The following RNF212B variants were observed in gnomAD, a reference collection of about 807,000 sequenced individuals.
RNF212B encodes the protein E3 ubiquitin-protein ligase RNF212B.
Under a neutral mutation model 55.5 loss-of-function variants are expected in RNF212B, and 52 were observed. That is an observed-to-expected ratio of 0.94 (90% CI 0.75 to 1.18). RNF212B has a LOEUF of 1.18. RNF212B is among the 50% of genes most tolerant of loss of function. The pLI is 0.00. For missense variants in RNF212B, 289 were observed against 350.4 expected (o/e 0.82, Z 1.40); for synonymous variants, 99 against 121.4 (o/e 0.82, Z 1.21).
chr14:23,240,283 G>A lies in RNF212B; in HGVS notation c.-1-62G>A. The A allele has an allele frequency of 1.2e-5, 13 of 1,128,052 alleles. No individual in the cohort carries two copies. In the South Asian group the frequency reaches 1.7e-4, roughly 14 times the overall value. The allele number at this position is 1,128,052 out of a possible 1,614,324, so 69.9% of individuals were successfully genotyped here. On this transcript the variant is annotated intron_variant, in intron 1 of 14. Coordinates refer to ENST00000430154, the MANE Select transcript of RNF212B (RefSeq NM_001282322.3). Reference sequence around the variant, plus strand: ...AAGCAAGCACGGTTACATAGATTTTGGAACAGCTATAATTATGTTATTCTC... The same window carrying A: ...AAGCAAGCACGGTTACATAGATTTTAGAACAGCTATAATTATGTTATTCTC...
At chr14:23,252,629 G>A (rs907890811) in intron 4 of RNF212B, among the ~76,000 whole-genome samples, 1 of 152,126 alleles carries the variant, frequency 6.6e-6, no homozygotes, top group Non-Finnish European at 1.5e-5. Flanking sequence ...GGGTTGGACA[G>A]GTAGTAAGCC....
chr14:23,211,053 A>G (rs1880463436), intron 2 of RNF212B, among the ~76,000 whole-genome samples: 2 of 151,958 alleles, frequency 1.3e-5, no homozygotes, highest in South Asian at 4.1e-4. Flanking sequence ...CCCCGTCTCT[A>G]CTGAAAATAA....
intron 2 of RNF212B, among the ~76,000 whole-genome samples, chr14:23,195,749 T>G (rs981969045): frequency 6.6e-6 from 1 of 152,214 alleles, no homozygotes; most frequent in African/African-American, 2.4e-5. Flanking sequence ...TAGCATGTAT[T>G]GAGCAATCAC....
intron 2 of RNF212B, among the ~76,000 whole-genome samples, chr14:23,205,669 T>C (rs1267808484): frequency 3.3e-5 from 5 of 152,236 alleles, no homozygotes; most frequent in Non-Finnish European, 2.9e-5. Context: ...ACTGAGTTTA[T>C]AGTTTAGCTT....
chr14:23,251,714 G>A (rs1384528360), intron 4 of RNF212B, among the ~76,000 whole-genome samples: 1 of 151,612 alleles, frequency 6.6e-6, no homozygotes, highest in Non-Finnish European at 1.5e-5. Flanking sequence ...TACTCTGGAG[G>A]CTGAAGCAGG....
chr14:23,209,703 T>G (rs1880285987), intron 2 of RNF212B, among the ~76,000 whole-genome samples: 1 of 152,050 alleles, frequency 6.6e-6, no homozygotes, highest in Admixed American at 6.6e-5. Context: ...AAAGAATAGA[T>G]GGAAAGGGAA....
chr14:23,192,663 T>C (rs1878227633), intron 1 of RNF212B, among the ~76,000 whole-genome samples: 1 of 152,170 alleles, frequency 6.6e-6, no homozygotes, highest in Non-Finnish European at 1.5e-5. Context: ...TGTGCACATG[T>C]ACCCTAGAAC....
upstream of RNF212B, among the ~76,000 whole-genome samples, chr14:23,233,147 C>T (rs1882838348): frequency 6.6e-6 from 1 of 152,154 alleles, no homozygotes; most frequent in African/African-American, 2.4e-5. Context: ...TGTGTCCACT[C>T]GGGGTTAAAT....
chr14:23,248,433 C>T (rs1424707347), intron 4 of RNF212B, among the ~76,000 whole-genome samples: 1 of 146,432 alleles, frequency 6.8e-6, no homozygotes, highest in Admixed American at 6.9e-5. Flanking sequence ...CGCCCAACCC[C>T]AAGCCTCTTT....
intron 2 of RNF212B, among the ~76,000 whole-genome samples, chr14:23,202,250 T>TAAA (rs57327070): frequency 7.5e-6 from 1 of 134,060 alleles, no homozygotes; most frequent in African/African-American, 2.8e-5. Flanking sequence ...GACCCTGTCT[T>TAAA]AAAAAAAAAA....
intron 4 of RNF212B, among the ~76,000 whole-genome samples, chr14:23,253,116 G>A (rs377199145): frequency 5.3e-5 from 8 of 151,856 alleles, no homozygotes; most frequent in Non-Finnish European, 8.8e-5. Context: ...CAAATATTAC[G>A]TCATTTCTAT....
At chr14:23,264,978 C>A (rs975101275) in intron 11 of RNF212B, among the ~76,000 whole-genome samples, 1 of 152,030 alleles carries the variant, frequency 6.6e-6, no homozygotes, top group African/African-American at 2.4e-5. Context: ...TGTGCCACCA[C>A]GCCTGGCTAA....
At chr14:23,196,183 T>C (rs1004199682) in intron 2 of RNF212B, among the ~76,000 whole-genome samples, 9 of 152,206 alleles carry the variant, frequency 5.9e-5, no homozygotes, top group South Asian at 2.1e-4. Context: ...TTAGCCACCA[T>C]GGAAAAGTGC....
Position 23,243,289 on chromosome 14 carries a change from A to C in RNF212B, c.134A>C (p.His45Pro), listed in dbSNP as rs1231111697. The C allele has an allele frequency of 6.5e-7, 1 of 1,550,294 alleles. No individual in the cohort carries two copies. The highest frequency in any genetic ancestry group is 8.7e-7 in the Non-Finnish European group (1 of 1,147,020). The part of the protein sequence containing the change: ...KCAVCGTACK[H>P]LALSDNLKPQ... Reference sequence around the variant, plus strand: ...GCTGTTTGTGGAACTGCCTGCAAGCATCTGGCTCTTTCTGATAATGTAAGT... The same window carrying C: ...GCTGTTTGTGGAACTGCCTGCAAGCCTCTGGCTCTTTCTGATAATGTAAGT... The change falls in exon 3 of 15, where the codon CAT becomes CCT. Residue 45 changes from histidine (H) to proline (P), a missense_variant. His to Pro is a moderately conservative substitution (Grantham distance 77). Transcript: ENST00000430154.
intron 14 of RNF212B, among the ~76,000 whole-genome samples, chr14:23,271,027 T>C (rs1566444647): frequency 6.6e-6 from 1 of 152,178 alleles, no homozygotes; most frequent in East Asian, 1.9e-4. Flanking sequence ...AAAAACCACA[T>C]TTACTTCTCC....
chr14:23,268,765 T>C (rs149523533), intron 11 of RNF212B, among the ~76,000 whole-genome samples, 159 bp from the exon 12 acceptor site: 1 of 152,362 alleles, frequency 6.6e-6, no homozygotes, highest in African/African-American at 2.4e-5. Context: ...GAGATACTGC[T>C]ATGTGATTTG....
chr14:23,264,749 A>G (rs1885553265), intron 11 of RNF212B, 78 bp downstream of exon 11: 1 of 823,530 alleles, frequency 1.2e-6, no homozygotes, highest in East Asian at 3.3e-5. Flanking sequence ...TTCTATGCAT[A>G]ATATAATGCC....
intron 7 of RNF212B, among the ~76,000 whole-genome samples, chr14:23,261,979 A>AC (rs376655448): frequency 1.2e-3 from 186 of 150,916 alleles, no homozygotes; most frequent in African/African-American, 4.1e-3. Context: ...AAACAAACAA[A>AC]AAAACAGAAA....
intron 4 of RNF212B, among the ~76,000 whole-genome samples, chr14:23,245,288 C>G (rs899412403): frequency 6.6e-6 from 1 of 152,128 alleles, no homozygotes; most frequent in African/African-American, 2.4e-5. Flanking sequence ...TTGCTGCTTG[C>G]TGTCTTTAGC....
Sources: gnomAD v4.1 joint callset for allele counts (sites outside exome capture counted in the v4.1 genomes callset) on GRCh38, gnomAD v4.1.1 for gene constraint, MANE v1.5 for transcripts, NCBI Gene and HGNC (gene_info 2026-07-23, HGNC 2026-07-21) for gene names.